POLD3: variants seen among roughly 807,000 people sequenced by gnomAD.
POLD3 encodes DNA polymerase delta subunit 3.
Under a neutral mutation model 58.2 loss-of-function variants are expected in POLD3, and 19 were observed. That is an observed-to-expected ratio of 0.33 (90% CI 0.23 to 0.48). The LOEUF (loss-of-function observed/expected upper bound fraction) is 0.48, where lower values mean the gene tolerates loss of function less well. Ranked by LOEUF, POLD3 falls within the 20% of genes least tolerant of loss-of-function variation. The pLI is 0.99. For missense variants in POLD3, 504 were observed against 545.5 expected, an observed-to-expected ratio of 0.92 and a Z score of 0.76; for synonymous variants, 172 against 193.5, an observed-to-expected ratio of 0.89 and a Z score of 0.92.
intron 1 of POLD3, chr11:74,592,980 C>T: frequency 7.4e-7 from 1 of 1,348,474 alleles, no homozygotes; most frequent in Non-Finnish European, 9.6e-7. Flanking sequence ...GGAGACCGGG[C>T]GCGGAGGGAG....
At chr11:74,654,131 A>G (rs2033103396) in intron 4 of POLD3, among the ~76,000 whole-genome samples, 1 of 152,220 alleles carries the variant, frequency 6.6e-6, no homozygotes, top group Non-Finnish European at 1.5e-5. Context: ...CTGACTTCCA[A>G]GATGAGGGAT....
chr11:74,616,041 T>C (rs2032070445), intron 5 of POLD3, among the ~76,000 whole-genome samples: 1 of 152,170 alleles, frequency 6.6e-6, no homozygotes, highest in Admixed American at 6.5e-5. Flanking sequence ...ATTTGAAATA[T>C]ATTACTAGAT....
chr11:74,611,639 T>TTCAG, intron 4 of POLD3, 101 bp downstream of exon 4: 2 of 672,162 alleles, frequency 3.0e-6, no homozygotes, highest in Non-Finnish European at 5.3e-6. Flanking sequence ...TATTTAGCTA[T>TTCAG]TTAACTGAAT....
At chr11:74,665,323 CAAA>C (rs143931611) in intron 4 of POLD3, among the ~76,000 whole-genome samples, 17 of 120,474 alleles carry the variant, frequency 1.4e-4, no homozygotes, top group Non-Finnish European at 2.0e-4. Context: ...GACTCTGTCT[CAAA>C]AAAAAAAAAA....
At chr11:74,647,282 G>A (rs574212160), downstream of POLD3, among the ~76,000 whole-genome samples, 5 of 152,322 alleles carry the variant, frequency 3.3e-5, no homozygotes, top group South Asian at 4.1e-4. Flanking sequence ...TGGGATTTAC[G>A]GAAGGCAGAA....
intron 7 of POLD3, among the ~76,000 whole-genome samples, chr11:74,625,194 G>A (rs1418635907): frequency 6.6e-6 from 1 of 152,122 alleles, no homozygotes; most frequent in African/African-American, 2.4e-5. Flanking sequence ...ATTTAGCCTG[G>A]GGGCTGTGAT....
At chr11:74,607,068 C>T (rs1184142783) in intron 3 of POLD3, among the ~76,000 whole-genome samples, 2 of 152,014 alleles carry the variant, frequency 1.3e-5, no homozygotes, top group Non-Finnish European at 2.9e-5. Context: ...GGATGCTTAC[C>T]TATGCCTTTT....
At chr11:74,650,396 G>A (rs1420368530) in intron 4 of POLD3, among the ~76,000 whole-genome samples, 4 of 152,128 alleles carry the variant, frequency 2.6e-5, no homozygotes, top group Admixed American at 6.5e-5. Context: ...GGTGGGCTGC[G>A]TGTCATTCTG....
At chr11:74,600,710 CTTTTT>C (rs57206403) in intron 2 of POLD3, among the ~76,000 whole-genome samples, 2 of 63,004 alleles carry the variant, frequency 3.2e-5, no homozygotes, top group South Asian at 6.7e-4. Flanking sequence ...GAATTCTTTC[CTTTTT>C]TTTTTTTTTT....
intron 4 of POLD3, among the ~76,000 whole-genome samples, chr11:74,652,134 A>T (rs748679259): frequency 1.3e-5 from 2 of 152,214 alleles, no homozygotes; most frequent in Non-Finnish European, 2.9e-5. Flanking sequence ...CACATACTCT[A>T]GATGGCCAAA....
At chr11:74,660,449 CT>C (rs2033191486) in intron 4 of POLD3, among the ~76,000 whole-genome samples, 1 of 152,062 alleles carries the variant, frequency 6.6e-6, no homozygotes, top group African/African-American at 2.4e-5. Flanking sequence ...TAGATTTGCC[CT>C]TTTGAGCCTG....
In POLD3 at chr11:74,618,692, A is replaced by G. The variant is rs756102886; in HGVS notation, c.548A>G (p.Lys183Arg). The G allele has an allele frequency of 1.2e-5, 20 of 1,613,962 alleles. No homozygotes were observed. The highest frequency in any genetic ancestry group is 1.6e-5 in the Non-Finnish European group (19 of 1,179,930). ...AATGGTCATGGCCCACCTGCATCCA[A>G]GCAGGTTTCCCAGCAGCCCAAAGGA... ...TTNGHGPPAS[K>R]QVSQQPKGIM... The change falls in exon 6 of 12, where the codon AAG (lysine) becomes AGG (arginine). Residue 183 changes from lysine (K) to arginine (R), a missense_variant. Transcript: ENST00000263681.
chr11:74,622,655 G>A (rs2032302533), intron 7 of POLD3, among the ~76,000 whole-genome samples: 1 of 152,136 alleles, frequency 6.6e-6, no homozygotes, highest in Non-Finnish European at 1.5e-5. Flanking sequence ...TTCACTGTGG[G>A]GACTTGAACC....
chr11:74,648,790 G>C (rs1205973177), intron 4 of POLD3, among the ~76,000 whole-genome samples: 1 of 152,190 alleles, frequency 6.6e-6, no homozygotes, highest in African/African-American at 2.4e-5. Context: ...TCGTACATTA[G>C]AAAGATCAGC....
chr11:74,599,369 T>C (rs1013111233), intron 2 of POLD3, among the ~76,000 whole-genome samples: 137 of 4,540 alleles, frequency 0.03, no homozygotes, highest in Non-Finnish European at 0.032. Flanking sequence ...TCTCAAGTAA[T>C]TTTTTTTTTT....
chr11:74,614,769 A>G (rs2032031758), intron 5 of POLD3, among the ~76,000 whole-genome samples: 2 of 150,528 alleles, frequency 1.3e-5, no homozygotes, highest in Non-Finnish European at 3.0e-5. Flanking sequence ...GGGGTAGGGG[A>G]TGGTGGAAGA....
chr11:74,643,958 TC>T (rs1203487439), downstream of POLD3, among the ~76,000 whole-genome samples: 1 of 152,156 alleles, frequency 6.6e-6, no homozygotes, highest in Non-Finnish European at 1.5e-5. Flanking sequence ...TCCCTTGTCT[TC>T]CCCCGTCAAC....
At chr11:74,647,209 C>T (rs953910371), downstream of POLD3, among the ~76,000 whole-genome samples, 1 of 152,222 alleles carries the variant, frequency 6.6e-6, no homozygotes, top group Admixed American at 6.5e-5. Flanking sequence ...CAGACCAGAA[C>T]CAGTCCGCAG....
rs369270914 is a variant in POLD3 at position 74,592,653 on chromosome 11, C to A, written c.-6C>A. The A allele has an allele frequency of 2.9e-5, 47 of 1,610,338 alleles. No homozygotes were observed. Among genetic ancestry groups the A allele is most frequent in the Non-Finnish European group, 3.9e-5 (46 of 1,178,274 alleles). On this transcript the variant is annotated 5_prime_UTR_variant, in exon 1 of 12. Coordinates refer to ENST00000263681, the MANE Select transcript of POLD3 (RefSeq NM_006591.3). Reference sequence around the variant, plus strand: ...GGTTAGAGGCGGGTCCCAGCGCTGCCGCACCATGGCGGACCAGCTTTATCT... The same window carrying A: ...GGTTAGAGGCGGGTCCCAGCGCTGCAGCACCATGGCGGACCAGCTTTATCT...
Sources: gnomAD v4.1 joint callset for allele counts (sites outside exome capture counted in the v4.1 genomes callset) on GRCh38, gnomAD v4.1.1 for gene constraint, MANE v1.5 for transcripts, NCBI Gene and HGNC (gene_info 2026-07-23, HGNC 2026-07-21) for gene names.